Variants in ELP4 observed in about 807,000 individuals in gnomAD.
ELP4 encodes the protein elongator complex protein 4.
ELP4 carries 51 observed loss-of-function variants against 48.9 expected under a neutral mutation model. That is an observed-to-expected ratio of 1.04 (90% CI 0.83 to 1.32). ELP4 has a LOEUF of 1.32. Among genes scored for constraint, ELP4 ranks in the 40% most tolerant of loss-of-function variants. ELP4 has a pLI of 0.00. For missense variants in ELP4, 519 were observed against 514.6 expected, an observed-to-expected ratio of 1.01 and a Z score of -0.08; for synonymous variants, 210 against 189.2, an observed-to-expected ratio of 1.11 and a Z score of -0.90.
intron 9 of ELP4, among the ~76,000 whole-genome samples, chr11:31,724,146 G>A (rs1025404801): frequency 6.6e-6 from 1 of 152,058 alleles, no homozygotes; most frequent in Non-Finnish European, 1.5e-5. Context: ...AGTTTGTCCT[G>A]GTCAAGGAAG....
intron 7 of ELP4, among the ~76,000 whole-genome samples, chr11:31,644,404 A>G (rs1945160271): frequency 6.6e-6 from 1 of 151,840 alleles, no homozygotes. Context: ...ATCTATTAAT[A>G]TATACTGAAG....
intron 9 of ELP4, among the ~76,000 whole-genome samples, chr11:31,761,105 G>A (rs1047466945): frequency 5.3e-5 from 8 of 152,136 alleles, no homozygotes; most frequent in African/African-American, 1.9e-4. Flanking sequence ...GCTCACGCCT[G>A]TAATCCCACC....
intron 9 of ELP4, among the ~76,000 whole-genome samples, chr11:31,778,767 C>T (rs943750595): frequency 6.6e-6 from 1 of 152,170 alleles, no homozygotes; most frequent in African/African-American, 2.4e-5. Flanking sequence ...GTCCAGTGCC[C>T]ACAAGTCCTG....
At chr11:31,574,405 AC>A (rs758386950) in intron 3 of ELP4, among the ~76,000 whole-genome samples, 143 of 152,188 alleles carry the variant, frequency 9.4e-4, no homozygotes, top group Non-Finnish European at 1.6e-3. Context: ...GCAGACTTAA[AC>A]CTCCCTGTCT....
intron 3 of ELP4, among the ~76,000 whole-genome samples, chr11:31,547,312 C>A (rs1367168949): frequency 6.6e-6 from 1 of 151,888 alleles, no homozygotes; most frequent in Non-Finnish European, 1.5e-5. Context: ...ATATCACCAC[C>A]GATCCCACAG....
At chr11:31,775,217 C>G (rs1366555482) in intron 9 of ELP4, among the ~76,000 whole-genome samples, 1 of 152,170 alleles carries the variant, frequency 6.6e-6, no homozygotes, top group Non-Finnish European at 1.5e-5. Context: ...CCTGAAAAGC[C>G]AAGTTTAAAC....
chr11:31,567,613 A>G (rs1198060921), intron 3 of ELP4, among the ~76,000 whole-genome samples: 1 of 152,158 alleles, frequency 6.6e-6, no homozygotes, highest in Non-Finnish European at 1.5e-5. Flanking sequence ...TAAAGTAAAT[A>G]TATGCCTCAT....
At chr11:31,727,884 C>G (rs938502380) in intron 9 of ELP4, 1 of 152,070 alleles carries the variant, frequency 6.6e-6, no homozygotes, top group Non-Finnish European at 1.5e-5. Flanking sequence ...AATAGATACT[C>G]TAAGTGCACA....
At chr11:31,671,613 C>T (rs1945809236) in intron 9 of ELP4, among the ~76,000 whole-genome samples, 1 of 152,090 alleles carries the variant, frequency 6.6e-6, no homozygotes, top group Non-Finnish European at 1.5e-5. Flanking sequence ...GAAAGGCATA[C>T]AACAAAAACC....
At chr11:31,750,433 A>G (rs566860770) in intron 9 of ELP4, among the ~76,000 whole-genome samples, 22 of 151,930 alleles carry the variant, frequency 1.4e-4, no homozygotes, top group Non-Finnish European at 3.2e-4. Context: ...CCTCATTCAC[A>G]GTAAAAACCA....
chr11:31,570,466 CTTTT>C (rs35501118), intron 3 of ELP4, among the ~76,000 whole-genome samples: 5 of 127,898 alleles, frequency 3.9e-5, no homozygotes. Flanking sequence ...TGTAATATAC[CTTTT>C]TTTTTTTTTT....
chr11:31,780,739 T>G (rs1167738111), intron 9 of ELP4: 1 of 152,248 alleles, frequency 6.6e-6, no homozygotes, highest in East Asian at 1.9e-4. Context: ...CAAGAAATGC[T>G]GAGCCAGTCC....
chr11:31,786,292 A>G lies in ELP4; in HGVS notation c.*2768A>G, dbSNP rs1346423589. 1 of 209,762 alleles carries G rather than the reference A, an allele frequency of 4.8e-6. No homozygotes were observed. The highest frequency in any genetic ancestry group is 9.7e-6 in the Non-Finnish European group (1 of 103,132). 13.0% of individuals were successfully genotyped at this position (209,762 alleles called of 1,614,324 possible). On this transcript the variant is annotated 3_prime_UTR_variant, in exon 10 of 10. Transcript: ENST00000640961. The stretch of plus-strand genomic sequence containing the variant: ...CCCCCCTATTCATTTGTTTAAGCCC[A>G]TTATTAATGTCATTTCTAAGACAGC...
chr11:31,521,344 A>G (rs1956211269), intron 2 of ELP4, among the ~76,000 whole-genome samples: 1 of 151,632 alleles, frequency 6.6e-6, no homozygotes, highest in Non-Finnish European at 1.5e-5. Context: ...ACTTCATGTT[A>G]TCTCCCTTTT....
intron 9 of ELP4, among the ~76,000 whole-genome samples, chr11:31,751,049 G>T (rs563067872): frequency 6.6e-6 from 1 of 152,246 alleles, no homozygotes; most frequent in South Asian, 2.1e-4. Flanking sequence ...AAGAACCTAG[G>T]ATATCACCAA....
intron 3 of ELP4, among the ~76,000 whole-genome samples, chr11:31,563,145 A>G (rs1339076900): frequency 2.6e-5 from 4 of 152,204 alleles, no homozygotes; most frequent in Non-Finnish European, 5.9e-5. Flanking sequence ...GGAAGGATCA[A>G]AAGATTTTAT....
chr11:31,530,783 A>G (rs1439065402), intron 2 of ELP4, among the ~76,000 whole-genome samples: 1 of 152,020 alleles, frequency 6.6e-6, no homozygotes, highest in Non-Finnish European at 1.5e-5. Context: ...TCCATTTCTC[A>G]TTGTCACATA....
At chr11:31,722,720 TC>T (rs1468119952) in intron 9 of ELP4, among the ~76,000 whole-genome samples, 2,099 of 104,282 alleles carry the variant, frequency 0.02, 49 homozygotes, top group African/African-American at 0.1. Flanking sequence ...TCTCTCTCTC[TC>T]TCTCTTTCTC....
rs1362083008 is a variant in ELP4, at chr11:31,787,018, G to A, written c.*3494G>A. On this transcript the variant is annotated 3_prime_UTR_variant, in exon 10 of 10. Coordinates refer to ENST00000640961, the MANE Select transcript of ELP4 (RefSeq NM_019040.5). ...TGATAAATATATAAATATATGTATCGTTAAATAAATAATAAACAAAAATTA... is the reference window on the plus strand; with the variant it reads ...TGATAAATATATAAATATATGTATCATTAAATAAATAATAAACAAAAATTA... 4 of 162,376 alleles carry A rather than the reference G, an allele frequency of 2.5e-5. No homozygotes were observed. Among genetic ancestry groups the A allele is most frequent in the African/African-American group, 1.3e-4 (3 of 23,348 alleles). 10.1% of individuals were successfully genotyped at this position (162,376 alleles called of 1,614,324 possible).
Sources: gnomAD v4.1 joint callset for allele counts (sites outside exome capture counted in the v4.1 genomes callset) on GRCh38, gnomAD v4.1.1 for gene constraint, MANE v1.5 for transcripts, NCBI Gene and HGNC (gene_info 2026-07-23, HGNC 2026-07-21) for gene names.